CEP83: variants seen among roughly 807,000 people sequenced by gnomAD.
CEP83 encodes centrosomal protein of 83 kDa.
A neutral mutation model predicts 101.9 loss-of-function variants in CEP83; 70 were observed. That is an observed-to-expected ratio of 0.69 (90% CI 0.57 to 0.84). The LOEUF is 0.84. Ranked by LOEUF, CEP83 falls within the 40% of genes least tolerant of loss-of-function variation. The pLI, the probability that CEP83 is intolerant of heterozygous loss-of-function variation, is 0.00. For missense variants in CEP83, 715 were observed against 787.2 expected (o/e 0.91, Z 1.10); for synonymous variants, 264 against 267.9 (o/e 0.99, Z 0.14).
At chr12:94,370,080 G>T in intron 8 of CEP83, 44 bp from the exon 9 acceptor site, 3 of 1,129,552 alleles carry the variant, frequency 2.7e-6, no homozygotes, top group Non-Finnish European at 2.7e-6. Flanking sequence ...TCATTTTCTT[G>T]CCATTCAATA....
chr12:94,398,856 T>G (rs375302161), intron 6 of CEP83, among the ~76,000 whole-genome samples: 1 of 151,964 alleles, frequency 6.6e-6, no homozygotes, highest in East Asian at 1.9e-4. Flanking sequence ...GCTCTGGGAG[T>G]GTCTGTCTTA....
At chr12:94,284,665 G>C in the CEP83 span, among the ~76,000 whole-genome samples, 1 of 152,054 alleles carries the variant, frequency 6.6e-6, no homozygotes, top group African/African-American at 2.4e-5. Flanking sequence ...TCTGGTAACA[G>C]CTAGTCAGTG....
intron 2 of CEP83, among the ~76,000 whole-genome samples, chr12:94,433,018 G>A (rs1248544625): frequency 6.6e-6 from 1 of 152,160 alleles, no homozygotes; most frequent in African/African-American, 2.4e-5. Flanking sequence ...ATTAACAAAG[G>A]GATGCAAGGA....
chr12:94,422,946 G>T (rs1283969245), intron 2 of CEP83, among the ~76,000 whole-genome samples: 1 of 146,680 alleles, frequency 6.8e-6, no homozygotes, highest in African/African-American at 2.5e-5. Flanking sequence ...TTTTCAGTTT[G>T]GGGGTGGGTG....
chr12:94,369,958 C>G lies in CEP83; in HGVS notation c.1012G>C (p.Glu338Gln). Residue 338 changes from glutamate (E) to glutamine (Q), a missense_variant, in exon 9 of 17, where the codon GAA (glutamate) becomes CAA (glutamine). Glu to Gln is a conservative substitution (Grantham distance 29, BLOSUM62 2). Transcript: ENST00000397809. ...LETARAKSEL[E>Q]RERNKIQSEL... Reference sequence around the variant, plus strand: ...CTTTGAATCTTATTCCTTTCTCTTTCTAGCTCACTCTTAGCTCTTGCTGTC... The same window carrying G: ...CTTTGAATCTTATTCCTTTCTCTTTGTAGCTCACTCTTAGCTCTTGCTGTC... 6.2e-7 allele frequency: 1 copy of G among 1,607,476 alleles called. No homozygotes were observed. The highest frequency in any genetic ancestry group is 8.5e-7 in the Non-Finnish European group (1 of 1,174,578).
In CEP83 at chr12:94,346,346, C is replaced by T. The variant is rs138514103; in HGVS notation, c.1344-10682G>A. ...GGGATTATAGGCGTGGGCCACCGCA[C>T]CTGGCCTATTATTTCTTCATCTAGC... On this transcript the variant is annotated intron_variant, in intron 11 of 16. Coordinates refer to ENST00000397809, the MANE Select transcript of CEP83 (RefSeq NM_016122.3). Among the ~76,000 whole-genome samples, 1,264 of 151,926 alleles carry T rather than the reference C, an allele frequency of 8.3e-3. 3 individuals are homozygous for T. The highest frequency in any genetic ancestry group is 0.015 in the Non-Finnish European group (995 of 67,980).
At chr12:94,300,788 G>T in the CEP83 span, 1 of 735,444 alleles carries the variant, frequency 1.4e-6, no homozygotes. Flanking sequence ...GGTATGTTTG[G>T]CTAAGCAGAG....
intron 2 of CEP83, among the ~76,000 whole-genome samples, chr12:94,428,771 T>G (rs982049468): frequency 1.3e-5 from 2 of 152,230 alleles, no homozygotes; most frequent in African/African-American, 4.8e-5. Flanking sequence ...CTGAATGGTC[T>G]ACTTACAGTA....
At chr12:94,436,826 C>CAA (rs755179387) in intron 1 of CEP83, among the ~76,000 whole-genome samples, 9 of 67,196 alleles carry the variant, frequency 1.3e-4, no homozygotes, top group African/African-American at 4.7e-4. Context: ...GACTCCATCT[C>CAA]AAAAAAAAAA....
intron 1 of CEP83, among the ~76,000 whole-genome samples, chr12:94,437,589 T>C (rs1267809924): frequency 1.3e-5 from 2 of 152,200 alleles, no homozygotes; most frequent in African/African-American, 4.8e-5. Flanking sequence ...TCAGTCTCTT[T>C]AAACAAAAAA....
At chr12:94,427,878 A>G (rs1389759048) in intron 2 of CEP83, among the ~76,000 whole-genome samples, 2 of 152,218 alleles carry the variant, frequency 1.3e-5, no homozygotes, top group African/African-American at 4.8e-5. Context: ...ATAGCCATCC[A>G]GGATGTCTTG....
intron 2 of CEP83, among the ~76,000 whole-genome samples, chr12:94,426,093 G>A (rs1456716197): frequency 2.6e-5 from 4 of 151,250 alleles, no homozygotes; most frequent in Non-Finnish European, 1.5e-5. Context: ...CTGCACTCCA[G>A]CCTGGGTGAC....
chr12:94,331,326 A>T (rs1014886848), intron 14 of CEP83, among the ~76,000 whole-genome samples: 37 of 79,244 alleles, frequency 4.7e-4, no homozygotes, highest in South Asian at 1.2e-3. Context: ...AGATTTAATT[A>T]TATTTTACTC....
At chr12:94,442,122 GGT>G (rs1491123124) in intron 1 of CEP83, among the ~76,000 whole-genome samples, 8 of 146,236 alleles carry the variant, frequency 5.5e-5, no homozygotes, top group Admixed American at 2.7e-4. Context: ...AAATGTGGTA[GGT>G]ATATATATAT....
At chr12:94,391,281 G>C (rs183633384) in intron 6 of CEP83, among the ~76,000 whole-genome samples, 26 of 152,200 alleles carry the variant, frequency 1.7e-4, no homozygotes, top group Middle Eastern at 6.8e-3. Flanking sequence ...CGGATCTCTC[G>C]GCAGAAACCC....
At chr12:94,301,777 T>C (rs1469590329), downstream of CEP83, among the ~76,000 whole-genome samples, 1 of 152,224 alleles carries the variant, frequency 6.6e-6, no homozygotes, top group Non-Finnish European at 1.5e-5. Flanking sequence ...AAACTCTTTA[T>C]CAGCAGTATT....
chr12:94,279,956 T>C, the CEP83 span: 8 of 475,524 alleles, frequency 1.7e-5, no homozygotes, highest in East Asian at 3.1e-4. Flanking sequence ...TCACCTTGCA[T>C]CATGAAATAC....
chr12:94,398,702 G>C (rs980953502), intron 6 of CEP83, among the ~76,000 whole-genome samples: 2 of 152,208 alleles, frequency 1.3e-5, no homozygotes, highest in Non-Finnish European at 2.9e-5. Context: ...AGACAAAATA[G>C]AGCCATATTT....
At chr12:94,429,524 C>T (rs1031806323) in intron 2 of CEP83, among the ~76,000 whole-genome samples, 3 of 152,200 alleles carry the variant, frequency 2.0e-5, no homozygotes, top group Non-Finnish European at 4.4e-5. Flanking sequence ...CAGCACCTGT[C>T]TCTTCACATC....
Sources: allele counts gnomAD v4.1 joint callset (sites outside exome capture counted in the v4.1 genomes callset), GRCh38; gene constraint gnomAD v4.1.1; transcripts MANE v1.5; gene names NCBI Gene and HGNC (gene_info 2026-07-23, HGNC 2026-07-21).